FMO2: variants seen among roughly 807,000 people sequenced by gnomAD.
FMO2 encodes the protein flavin-containing monooxygenase 2.
Under a neutral mutation model 41.6 loss-of-function variants are expected in FMO2, and 33 were observed. The observed-to-expected ratio is 0.79, with a 90% CI of 0.60 to 1.06. The LOEUF (loss-of-function observed/expected upper bound fraction) is 1.06, where lower values mean the gene tolerates loss of function less well. FMO2 is among the 50% of genes least tolerant of loss of function. FMO2 has a pLI of 0.00. For missense variants in FMO2, 619 were observed against 632.9 expected, an observed-to-expected ratio of 0.98 and a Z score of 0.23; for synonymous variants, 214 against 219.6, an observed-to-expected ratio of 0.97 and a Z score of 0.23.
chr1:171,209,402 G>A lies in FMO2; in HGVS notation c.*257G>A, dbSNP rs540720849. 45 of 318,216 alleles carry A rather than the reference G, an allele frequency of 1.4e-4. No individual in the cohort carries two copies. The South Asian group carries it at 6.5e-3, about 46-fold the overall frequency. 19.7% of individuals were successfully genotyped at this position (318,216 alleles called of 1,614,324 possible). A position where few individuals can be genotyped will look rare whatever the true frequency, so the allele number is the denominator to read the frequency against. On this transcript the variant is annotated 3_prime_UTR_variant, in exon 9 of 9. Coordinates refer to ENST00000209929, the MANE Select transcript of FMO2 (RefSeq NM_001460.5). Reference sequence around the variant, plus strand: ...CAAAATGTAAAATAAAATAAGACTGGCTCAGGTAAGTAGTGCTGCCAACCC... The same window carrying A: ...CAAAATGTAAAATAAAATAAGACTGACTCAGGTAAGTAGTGCTGCCAACCC...
chr1:171,199,053 C>A (rs1480360856), intron 4 of FMO2, among the ~76,000 whole-genome samples: 5 of 152,064 alleles, frequency 3.3e-5, no homozygotes, highest in Non-Finnish European at 5.9e-5. Context: ...CAGGCATGCA[C>A]AACCATGCCC....
intron 2 of FMO2, among the ~76,000 whole-genome samples, chr1:171,188,617 G>A (rs1455886862): frequency 2.6e-5 from 4 of 152,154 alleles, no homozygotes; most frequent in Non-Finnish European, 4.4e-5. Context: ...TTTCCAAGAA[G>A]GATGCTGGGA....
At chr1:171,195,160 A>G (rs1461302759) in intron 3 of FMO2, among the ~76,000 whole-genome samples, 1 of 152,134 alleles carries the variant, frequency 6.6e-6, no homozygotes, top group Non-Finnish European at 1.5e-5. Context: ...GAGAGTGAAG[A>G]GGGGTTGGGA....
Position 171,193,433 on chromosome 1 carries a change from T to C in FMO2, c.231T>C (p.Asp77=). 2 of 1,612,678 alleles carry C rather than the reference T, an allele frequency of 1.2e-6. No individual in the cohort carries two copies. Among genetic ancestry groups the C allele is most frequent in the Non-Finnish European group, 1.7e-6 (2 of 1,178,818 alleles). Residue 77 remains aspartate (D), a synonymous_variant, in exon 3 of 9, where the codon GAT becomes GAC. Coordinates refer to ENST00000209929, the MANE Select transcript of FMO2 (RefSeq NM_001460.5). ...SCFSDFPMPE[D]FPNFLHNSKL... Reference sequence around the variant, plus strand: ...TCAGTGACTTTCCAATGCCTGAAGATTTTCCAAACTTCCTGCATAATTCTA... The same window carrying C: ...TCAGTGACTTTCCAATGCCTGAAGACTTTCCAAACTTCCTGCATAATTCTA...
At position 171,208,978 on chromosome 1, in the gene FMO2, T is replaced by C. The variant is rs767172756; in HGVS notation, c.1441T>C (p.Trp481Arg). Residue 481 changes from tryptophan (W) to arginine (R), a missense_variant, in exon 9 of 9, where the codon TGG becomes CGG. Coordinates refer to ENST00000209929, the MANE Select transcript of FMO2 (RefSeq NM_001460.5). ...GTATCGCCTGGTTGGGCCTGGGCAA[T>C]GGGAAGGAGCCAGAAATGCCATCTT... is the stretch of plus-strand genomic sequence containing the variant. Reference protein sequence around the residue: ...YQYRLVGPGQWEGARNAIFTQ... With the variant: ...YQYRLVGPGQREGARNAIFTQ... The C allele has an allele frequency of 1.9e-6, 3 of 1,600,292 alleles. No individual in the cohort carries two copies. Among genetic ancestry groups the C allele is most frequent in the Non-Finnish European group, 2.6e-6 (3 of 1,172,128 alleles).
At chr1:171,186,059 A>T (rs1657835398) in intron 2 of FMO2, 2 of 408,564 alleles carry the variant, frequency 4.9e-6, no homozygotes, top group African/African-American at 4.0e-5. Flanking sequence ...CAGGCATGTA[A>T]AAGATCTCTT....
In FMO2 at chr1:171,205,641, G is replaced by A. The variant is rs774041263; in HGVS notation, c.1183+7G>A. On this transcript the variant is annotated splice_region_variant and intron_variant, in intron 7 of 8. Transcript: ENST00000209929. ...GTGACAAGAGTTTTCAAAGGTAAGT[G>A]TGTAGGCAGGTGAGTGGCTAAGCGT... is the stretch of plus-strand genomic sequence containing the variant. The A allele has an allele frequency of 6.8e-5, 106 of 1,556,230 alleles. No homozygotes were observed. Among genetic ancestry groups the A allele is most frequent in the Middle Eastern group, 1.7e-4 (1 of 5,826 alleles).
intron 5 of FMO2, among the ~76,000 whole-genome samples, chr1:171,200,348 C>T (rs944199323): frequency 2.6e-5 from 4 of 152,138 alleles, no homozygotes; most frequent in African/African-American, 9.7e-5. Flanking sequence ...TAAACTCCTT[C>T]TGCAAGGACA....
At position 171,210,155 on chromosome 1, in the gene FMO2, G is replaced by T. The variant is rs1404328075; in HGVS notation, c.*1010G>T. 2.6e-5 allele frequency: 4 copies of T among 152,224 alleles called. No homozygotes were observed. The East Asian group carries it at 7.7e-4, about 29-fold the overall frequency. 9.4% of individuals were successfully genotyped at this position (152,224 alleles called of 1,614,324 possible). On this transcript the variant is annotated 3_prime_UTR_variant, in exon 9 of 9. Coordinates refer to ENST00000209929, the MANE Select transcript of FMO2 (RefSeq NM_001460.5). ...AAACAGCATTCTTTTTGCCAAATAT[G>T]ACCAAATTACTTTTATTTATAATTT...
rs529064494 is a variant in FMO2, at chr1:171,187,149, A to G, written c.132+1304A>G. ...GTGACTTCTAAACAGATAAGCCCTG[A>G]CTTACAACCATGCCCTAACTTGCAT... On this transcript the variant is annotated intron_variant, in intron 2 of 8. Coordinates refer to ENST00000209929, the MANE Select transcript of FMO2 (RefSeq NM_001460.5). Among the ~76,000 whole-genome samples the G allele has an allele frequency of 7.9e-5, 12 of 152,376 alleles. No homozygotes were observed. The South Asian group carries it at 2.5e-3, about 32-fold the overall frequency.
intron 6 of FMO2, 98 bp from the exon 7 acceptor site, chr1:171,205,181 G>T (rs1040096379): frequency 7.7e-6 from 5 of 648,346 alleles, no homozygotes; most frequent in African/African-American, 3.7e-5. Context: ...TATTTGAAAA[G>T]CCCTTTTATT....
chr1:171,186,133 G>T (rs559942883), intron 2 of FMO2: 1 of 207,396 alleles, frequency 4.8e-6, no homozygotes, highest in Non-Finnish European at 9.7e-6. Context: ...GCTAATATTA[G>T]AGAACATTTT....
At position 171,205,635 on chromosome 1, in the gene FMO2, G is replaced by A. The variant is rs781726646; in HGVS notation, c.1183+1G>A. 6.3e-7 allele frequency: 1 copy of A among 1,594,438 alleles called. No individual in the cohort carries two copies. ...CGTTGGGTGACAAGAGTTTTCAAAG[G>A]TAAGTGTGTAGGCAGGTGAGTGGCT... On this transcript the variant is annotated splice_donor_variant, in intron 7 of 8. Transcript: ENST00000209929. LOFTEE classifies it high-confidence loss of function.
At chr1:171,207,918 T>G in intron 8 of FMO2, 128 bp downstream of exon 8, 1 of 641,242 alleles carries the variant, frequency 1.6e-6, no homozygotes, top group Middle Eastern at 2.6e-4. Flanking sequence ...GATGATTGAA[T>G]CAGAAACTCC....
intron 5 of FMO2, among the ~76,000 whole-genome samples, chr1:171,201,895 T>C (rs1658554663): frequency 6.6e-6 from 1 of 152,128 alleles, no homozygotes; most frequent in Non-Finnish European, 1.5e-5. Context: ...GAGAACAGCA[T>C]GGCAGAAACC....
In FMO2 at chr1:171,199,469, T is replaced by C. The variant is rs1211480323; in HGVS notation, c.608T>C (p.Leu203Pro). 9 of 1,611,290 alleles carry C rather than the reference T, an allele frequency of 5.6e-6. No homozygotes were observed. The highest frequency in any genetic ancestry group is 6.8e-6 in the Non-Finnish European group (8 of 1,178,922). ...TCAGGCTCAGATATTGCTGTTGAGC[T>C]GAGTAAGAATGCTGCTCAGGTGTGA... is the stretch of plus-strand genomic sequence containing the variant. The part of the protein sequence containing the change: ...GNSGSDIAVE[L>P]SKNAAQVFIS... Residue 203 changes from leucine (L) to proline (P), a missense_variant, in exon 5 of 9, where the codon CTG becomes CCG. Transcript: ENST00000209929.
At position 171,185,801 on chromosome 1, in the gene FMO2, T is replaced by C; in HGVS notation, c.88T>C (p.Cys30Arg). 6.2e-7 allele frequency: 1 copy of C among 1,613,874 alleles called. No homozygotes were observed. The highest frequency in any genetic ancestry group is 8.5e-7 in the Non-Finnish European group (1 of 1,179,826). Residue 30 changes from cysteine (C) to arginine (R), a missense_variant, in exon 2 of 9, where the codon TGC becomes CGC. By Grantham distance (180) the Cys-to-Arg change is radical. Coordinates refer to ENST00000209929, the MANE Select transcript of FMO2 (RefSeq NM_001460.5). ...CCVDEGLEPT[C>R]FERTEDIGGV... is the part of the protein sequence containing the mutation. ...TGTGGATGAGGGACTTGAGCCCACT[T>C]GCTTTGAGAGAACTGAAGATATTGG...
Position 171,199,360 on chromosome 1 carries a change from A to G in FMO2, c.499A>G (p.Lys167Glu), listed in dbSNP as rs762973806. Residue 167 changes from lysine (K) to glutamate (E), a missense_variant, in exon 5 of 9, where the codon AAA (lysine) becomes GAA (glutamate). Transcript: ENST00000209929. Reference protein sequence around the residue: ...LKSFPGMERFKGQYFHSRQYK... With the variant: ...LKSFPGMERFEGQYFHSRQYK... ...TCCCCCTGAAGGTATGGAGAGGTTC[A>G]AAGGCCAATATTTCCATAGCCGCCA... The G allele has an allele frequency of 3.7e-5, 59 of 1,608,550 alleles. No individual in the cohort carries two copies. In the South Asian group the frequency reaches 6.3e-4, roughly 17 times the overall value.
chr1:171,202,837 T>C (rs1005093829), intron 5 of FMO2, among the ~76,000 whole-genome samples: 1 of 152,150 alleles, frequency 6.6e-6, no homozygotes, highest in Non-Finnish European at 1.5e-5. Context: ...TATTGCATGG[T>C]ATGTAAAAAT....
Sources: allele counts gnomAD v4.1 joint callset (sites outside exome capture counted in the v4.1 genomes callset), GRCh38; gene constraint gnomAD v4.1.1; transcripts MANE v1.5; gene names NCBI Gene and HGNC (gene_info 2026-07-23, HGNC 2026-07-21).